Variants in ONECUT2 observed in about 807,000 individuals in gnomAD.
ONECUT2 encodes the protein one cut homeobox 2.
In ONECUT2, 10 loss-of-function variants were observed where a neutral mutation model predicts 27.9. The observed-to-expected ratio is 0.36, with a 90% confidence interval of 0.22 to 0.61. The LOEUF is 0.61. Among genes scored for constraint, ONECUT2 ranks in the 20% least tolerant of loss-of-function variants. The probability of loss-of-function intolerance (pLI) is 0.73; values close to 1 mark genes in which losing one functional copy is unlikely to be tolerated. For synonymous variants in ONECUT2, 334 were observed against 315.1 expected (o/e 1.06, Z -0.64); for missense variants, 686 against 721.0 (o/e 0.95, Z 0.56).
chr18:57,460,952 G>A (rs2050287788), intron 1 of ONECUT2, among the ~76,000 whole-genome samples: 1 of 152,050 alleles, frequency 6.6e-6, no homozygotes, highest in African/African-American at 2.4e-5. Flanking sequence ...CAGCCTCCCT[G>A]GCATTATGGC....
rs2050430241 is a variant in ONECUT2 at position 57,484,636 on chromosome 18, A to G, written c.*7913A>G. 1 of 152,248 alleles carries G rather than the reference A, an allele frequency of 6.6e-6. No individual in the cohort carries two copies. Among genetic ancestry groups the G allele is most frequent in the Admixed American group, 6.5e-5 (1 of 15,278 alleles). 9.4% of individuals were successfully genotyped at this position (152,248 alleles called of 1,614,324 possible). ...GCCTCTATCCCCGCTGGGACCTGTC[A>G]CAGTAAAGACTGCCAATTACTGAAC... On this transcript the variant is annotated 3_prime_UTR_variant, in exon 2 of 2. Coordinates refer to ENST00000491143, the MANE Select transcript of ONECUT2 (RefSeq NM_004852.3).
chr18:57,439,212 C>G (rs887796796), intron 1 of ONECUT2, among the ~76,000 whole-genome samples: 1 of 152,224 alleles, frequency 6.6e-6, no homozygotes, highest in Non-Finnish European at 1.5e-5. Flanking sequence ...GATGAGAAAG[C>G]GTGGCATCCC....
intron 1 of ONECUT2, among the ~76,000 whole-genome samples, chr18:57,464,692 G>C (rs2050311072): frequency 6.6e-6 from 1 of 152,134 alleles, no homozygotes; most frequent in Admixed American, 6.5e-5. Flanking sequence ...TGTGAATGGA[G>C]ACACCGACCC....
At chr18:57,441,988 G>A (rs369415592) in intron 1 of ONECUT2, among the ~76,000 whole-genome samples, 1 of 141,610 alleles carries the variant, frequency 7.1e-6, no homozygotes, top group Non-Finnish European at 1.5e-5. Context: ...CCCCCTGGAC[G>A]TCCTGGGCCG....
chr18:57,437,027 G>A, intron 1 of ONECUT2, 83 bp downstream of exon 1: 2 of 1,479,836 alleles, frequency 1.4e-6, no homozygotes, highest in Non-Finnish European at 1.8e-6. Flanking sequence ...TGCGCGCCGA[G>A]TCACTTCTCT....
At chr18:57,474,520 TCA>T (rs2050371199) in intron 1 of ONECUT2, among the ~76,000 whole-genome samples, 1 of 152,172 alleles carries the variant, frequency 6.6e-6, no homozygotes, top group African/African-American at 2.4e-5. Context: ...GTGTCCTGGT[TCA>T]CAGAGAAGAC....
intron 1 of ONECUT2, among the ~76,000 whole-genome samples, chr18:57,447,971 G>A (rs558518791): frequency 6.6e-6 from 1 of 152,284 alleles, no homozygotes; most frequent in South Asian, 2.1e-4. Flanking sequence ...CTTCCTCCAG[G>A]CCACACAGTG....
At chr18:57,462,979 G>C (rs970748652) in intron 1 of ONECUT2, among the ~76,000 whole-genome samples, 5 of 151,908 alleles carry the variant, frequency 3.3e-5, no homozygotes, top group Non-Finnish European at 7.4e-5. Context: ...TGATCTGCCC[G>C]CCTCGGCCTC....
chr18:57,438,788 A>G (rs924986476), intron 1 of ONECUT2, among the ~76,000 whole-genome samples: 6 of 152,154 alleles, frequency 3.9e-5, no homozygotes, highest in Non-Finnish European at 7.4e-5. Flanking sequence ...ATCCTCTCCT[A>G]CAGTTTTCTC....
chr18:57,461,342 C>T (rs1378371645), intron 1 of ONECUT2, among the ~76,000 whole-genome samples: 1 of 152,168 alleles, frequency 6.6e-6, no homozygotes, highest in Non-Finnish European at 1.5e-5. Flanking sequence ...ATCAATTCTC[C>T]TGTCAATGAG....
At chr18:57,450,780 T>A (rs2050225705) in intron 1 of ONECUT2, among the ~76,000 whole-genome samples, 1 of 152,222 alleles carries the variant, frequency 6.6e-6, no homozygotes, top group Admixed American at 6.5e-5. Flanking sequence ...CTTGAGATAC[T>A]GCAAGTGCTT....
In ONECUT2 at chr18:57,435,582, A is replaced by C; in HGVS notation, c.-135A>C. 2.3e-6 allele frequency: 1 copy of C among 438,612 alleles called. No individual in the cohort carries two copies. The highest frequency in any genetic ancestry group is 2.9e-6 in the Non-Finnish European group (1 of 343,710). 27.2% of individuals were successfully genotyped at this position (438,612 alleles called of 1,614,324 possible). A position where few individuals can be genotyped will look rare whatever the true frequency, so the allele number is the denominator to read the frequency against. On this transcript the variant is annotated 5_prime_UTR_variant, in exon 1 of 2. Transcript: ENST00000491143. The stretch of plus-strand genomic sequence containing the variant: ...CGAGCCCGCCCGCAGCCCGGGGCGC[A>C]CACCCGCACGCGCACTCCTCTCCAC...
chr18:57,462,867 GACA>G (rs2050300653), intron 1 of ONECUT2, among the ~76,000 whole-genome samples: 2 of 151,088 alleles, frequency 1.3e-5, no homozygotes, highest in Non-Finnish European at 2.9e-5. Context: ...GAGTAGCTGG[GACA>G]ACAGGCATCT....
At position 57,488,544 on chromosome 18, in the gene ONECUT2, A is replaced by G. The variant is rs1019250044; in HGVS notation, c.*11821A>G. ...AGACTTGTCTTATGAAACCCAAGGTATATTTTGTTATGCCATTTTATGTCC... is the reference window on the plus strand; with the variant it reads ...AGACTTGTCTTATGAAACCCAAGGTGTATTTTGTTATGCCATTTTATGTCC... On this transcript the variant is annotated 3_prime_UTR_variant, in exon 2 of 2. Transcript: ENST00000491143. The G allele has an allele frequency of 6.6e-6, 1 of 152,588 alleles. No homozygotes were observed. The highest frequency in any genetic ancestry group is 1.9e-4 in the East Asian group (1 of 5,204). 9.5% of individuals were successfully genotyped at this position (152,588 alleles called of 1,614,324 possible). A position where few individuals can be genotyped will look rare whatever the true frequency, so the allele number is the denominator to read the frequency against.
intron 1 of ONECUT2, among the ~76,000 whole-genome samples, chr18:57,461,710 G>T (rs575602741): frequency 6.6e-6 from 1 of 152,348 alleles, no homozygotes; most frequent in African/African-American, 2.4e-5. Flanking sequence ...GGGTGCTGGG[G>T]TATTTATCTG....
At chr18:57,468,213 G>T (rs1455896285) in intron 1 of ONECUT2, among the ~76,000 whole-genome samples, 1 of 152,212 alleles carries the variant, frequency 6.6e-6, no homozygotes, top group East Asian at 1.9e-4. Context: ...TGGTCTGGAC[G>T]TCACTGGCTC....
intron 1 of ONECUT2, among the ~76,000 whole-genome samples, chr18:57,446,914 G>A (rs2050202933): frequency 6.6e-6 from 1 of 152,184 alleles, no homozygotes; most frequent in Admixed American, 6.5e-5. Context: ...AAATGGCTCC[G>A]TTGATTGTGC....
In ONECUT2 at chr18:57,490,591, G is replaced by A. The variant is rs1198951280; in HGVS notation, c.*13868G>A. On this transcript the variant is annotated 3_prime_UTR_variant, in exon 2 of 2. Coordinates refer to ENST00000491143, the MANE Select transcript of ONECUT2 (RefSeq NM_004852.3). ...GAGTGTGAGCCTCCGTTGACCATAT[G>A]CTCAAAGACCGTACTCTGCCACCTG... 1.3e-5 allele frequency: 2 copies of A among 152,114 alleles called. No individual in the cohort carries two copies. Among genetic ancestry groups the A allele is most frequent in the African/African-American group, 4.8e-5 (2 of 41,424 alleles). The allele number at this position is 152,114 out of a possible 1,614,324, so 9.4% of individuals were successfully genotyped here. A position where few individuals can be genotyped will look rare whatever the true frequency, so the allele number is the denominator to read the frequency against.
chr18:57,474,297 G>A (rs1278437971), intron 1 of ONECUT2, among the ~76,000 whole-genome samples: 2 of 152,142 alleles, frequency 1.3e-5, no homozygotes, highest in African/African-American at 4.8e-5. Context: ...CAGCCAGTTA[G>A]GTAGAAGGAA....
Sources: allele counts gnomAD v4.1 joint callset (sites outside exome capture counted in the v4.1 genomes callset), GRCh38; gene constraint gnomAD v4.1.1; transcripts MANE v1.5; gene names NCBI Gene and HGNC (gene_info 2026-07-23, HGNC 2026-07-21).